ENGASE: variants seen among roughly 807,000 people sequenced by gnomAD.
The protein encoded by ENGASE is endo-beta-N-acetylglucosaminidase.
Under a neutral mutation model 78.5 loss-of-function variants are expected in ENGASE, and 69 were observed. That is an observed-to-expected ratio of 0.88 (90% CI 0.72 to 1.07). ENGASE has a LOEUF of 1.07. Ranked by LOEUF, ENGASE falls within the 50% of genes least tolerant of loss-of-function variation. The pLI, the probability that ENGASE is intolerant of heterozygous loss-of-function variation, is 0.00. For synonymous variants in ENGASE, 408 were observed against 408.9 expected, an observed-to-expected ratio of 1.00 and a Z score of 0.03; for missense variants, 943 against 988.4, an observed-to-expected ratio of 0.95 and a Z score of 0.62.
At position 79,083,021 on chromosome 17, in the gene ENGASE, C is replaced by T. The variant is rs941848248; in HGVS notation, c.1040C>T (p.Ser347Leu). ...CAGCGTCTCCCTCTGTCTCTTCAGT[C>T]GTTGGAGCTGATCCGAAAGCATGGC... ...VVGGRFDTDK[S>L]LELIRKHGFS... Residue 347 changes from serine to leucine, a missense_variant and splice_region_variant, in exon 8 of 14, where the codon TCG (serine) becomes TTG (leucine). Transcript: ENST00000579016. The surrounding 1 kb of genome is among the most constrained non-coding windows in gnomAD (Gnocchi z 4.9). 1.2e-6 allele frequency: 2 copies of T among 1,613,570 alleles called. No homozygotes were observed. The highest frequency in any genetic ancestry group is 2.2e-5 in the East Asian group (1 of 44,868).
At position 79,075,045 on chromosome 17, in the gene ENGASE, A is replaced by G; in HGVS notation, c.101A>G (p.Gln34Arg). ...CCGGAGGCGGGGACGCAGGAGGAGC[A>G]GGAGGATCAGGAGCCGCGGCCGCGG... is the stretch of plus-strand genomic sequence containing the variant. ...AAPEAGTQEEQEDQEPRPRRR... is the reference protein window; with the variant it reads ...AAPEAGTQEEREDQEPRPRRR... The change falls in exon 1 of 14, where the codon CAG becomes CGG. Residue 34 changes from glutamine to arginine, a missense_variant. Transcript: ENST00000579016. The G allele has an allele frequency of 8.4e-7, 1 of 1,194,714 alleles. No homozygotes were observed. The allele number at this position is 1,194,714 out of a possible 1,614,324, so 74.0% of individuals were successfully genotyped here.
Position 79,083,490 on chromosome 17 carries a change from G to T in ENGASE, c.1151G>T (p.Gly384Val). 1 of 1,613,966 alleles carries T rather than the reference G, an allele frequency of 6.2e-7. No homozygotes were observed. ...CCCCATGTCTCTGGCAGGTTCTGGG[G>T]CCGACTGGAGCGTTATCTGCCCACA... ...DFFQNQDKFWGRLERYLPTHS... is the reference protein window; with the variant it reads ...DFFQNQDKFWVRLERYLPTHS... Residue 384 changes from glycine (G) to valine (V), a missense_variant, in exon 9 of 14, where the codon GGC becomes GTC. Gly to Val is a moderately radical substitution (Grantham distance 109, BLOSUM62 -3). Transcript: ENST00000579016. The surrounding 1 kb of genome is among the most constrained non-coding windows in gnomAD (Gnocchi z 4.9).
intron 13 of ENGASE, 67 bp downstream of exon 13, chr17:79,085,801 G>T: frequency 5.6e-6 from 9 of 1,598,486 alleles, no homozygotes; most frequent in South Asian, 2.2e-5. Context: ...GGTGGAGGCC[G>T]CCCCAGGCCG....
intron 5 of ENGASE, among the ~76,000 whole-genome samples, 190 bp downstream of exon 5, chr17:79,080,554 CGACT>C (rs1281891325): frequency 3.9e-5 from 6 of 152,248 alleles, no homozygotes; most frequent in African/African-American, 1.2e-4. Flanking sequence ...GAATCTCCTC[CGACT>C]GTTTCCAGCA....
At chr17:79,085,816 C>T (rs2073282033) in intron 13 of ENGASE, 82 bp downstream of exon 13, 2 of 1,600,112 alleles carry the variant, frequency 1.2e-6, no homozygotes, top group Middle Eastern at 1.7e-4. Context: ...AGGCCGCCCC[C>T]TTCTTGGGTT....
At chr17:79,081,561 G>C (rs959132031) in intron 6 of ENGASE, among the ~76,000 whole-genome samples, 25 of 152,180 alleles carry the variant, frequency 1.6e-4, no homozygotes, top group South Asian at 6.2e-4. Context: ...TGCTGGGCGA[G>C]GGTTTCAGGT....
chr17:79,075,043 G>A lies in ENGASE; in HGVS notation c.99G>A (p.Glu33=), dbSNP rs1599327943. The change falls in exon 1 of 14, where the codon GAG becomes GAA. Residue 33 remains glutamate, a synonymous_variant. Coordinates refer to ENST00000579016, the MANE Select transcript of ENGASE (RefSeq NM_001042573.3). ...CCCCGGAGGCGGGGACGCAGGAGGA[G>A]CAGGAGGATCAGGAGCCGCGGCCGC... ...LAAPEAGTQE[E]QEDQEPRPRR... is the part of the protein sequence containing the mutation. The A allele has an allele frequency of 1.7e-6, 2 of 1,205,690 alleles. No individual in the cohort carries two copies. Among genetic ancestry groups the A allele is most frequent in the East Asian group, 6.6e-5 (2 of 30,448 alleles). The allele number at this position is 1,205,690 out of a possible 1,614,324, so 74.7% of individuals were successfully genotyped here. A position where few individuals can be genotyped will look rare whatever the true frequency, so the allele number is the denominator to read the frequency against.
At chr17:79,075,894 G>T (rs1162084268) in intron 1 of ENGASE, 2 of 985,206 alleles carry the variant, frequency 2.0e-6, no homozygotes, top group Non-Finnish European at 1.2e-6. Flanking sequence ...TGACAAAGGT[G>T]ACCTGGTGTG....
chr17:79,086,151 G>C lies in ENGASE; in HGVS notation c.2034G>C (p.Leu678=). 1.2e-6 allele frequency: 2 copies of C among 1,613,780 alleles called. No homozygotes were observed. The highest frequency in any genetic ancestry group is 2.7e-5 in the African/African-American group (2 of 75,074). Residue 678 remains leucine (L), a synonymous_variant, in exon 14 of 14, where the codon CTG becomes CTC. Coordinates refer to ENST00000579016, the MANE Select transcript of ENGASE (RefSeq NM_001042573.3). The part of the protein sequence containing the change: ...GMSDDSPGRE[L]PRPEMPMFLG... ...GTGATGACTCTCCGGGCAGGGAGCTGCCGAGGCCAGAGATGCCCATGTTCC... is the reference window on the plus strand; with the variant it reads ...GTGATGACTCTCCGGGCAGGGAGCTCCCGAGGCCAGAGATGCCCATGTTCC...
chr17:79,078,253 T>A (rs2073016904), intron 3 of ENGASE, among the ~76,000 whole-genome samples: 1 of 151,996 alleles, frequency 6.6e-6, no homozygotes. Flanking sequence ...TGCAGGAGAA[T>A]CGCTTGAACC....
At position 79,080,263 on chromosome 17, in the gene ENGASE, G is replaced by A. The variant is rs765362657; in HGVS notation, c.622G>A (p.Gly208Arg). Residue 208 changes from glycine (G) to arginine (R), a missense_variant, in exon 5 of 14, where the codon GGG (glycine) becomes AGG (arginine). By Grantham distance (125) the Gly-to-Arg change is moderately radical (BLOSUM62 -2). Coordinates refer to ENST00000579016, the MANE Select transcript of ENGASE (RefSeq NM_001042573.3). ...AAGGCTCTGTGAAGCCTTCCTGGCC[G>A]GGGATGAGCGCTCGTACCAGGCAGT... ...GGRLCEAFLA[G>R]DERSYQAVAD... 21 of 1,613,436 alleles carry A rather than the reference G, an allele frequency of 1.3e-5. 1 individual carries two copies. The highest frequency in any genetic ancestry group is 1.2e-4 in the African/African-American group (9 of 74,926).
rs1321578418 is a variant in ENGASE at position 79,087,370 on chromosome 17, G to A, written c.*1021G>A. ...CTTGAGCAGCAGTCAGCACAGGTGC[G>A]TGGGGGCGTGAGGGAGGCAGGGTCT... On this transcript the variant is annotated 3_prime_UTR_variant, in exon 14 of 14. Coordinates refer to ENST00000579016, the MANE Select transcript of ENGASE (RefSeq NM_001042573.3). 5 of 263,956 alleles carry A rather than the reference G, an allele frequency of 1.9e-5. No individual in the cohort carries two copies. The highest frequency in any genetic ancestry group is 9.2e-5 in the Admixed American group (2 of 21,838). The allele number at this position is 263,956 out of a possible 1,614,324, so 16.4% of individuals were successfully genotyped here.
At chr17:79,084,405 G>A (rs1389391823) in intron 10 of ENGASE, 133 bp from the exon 11 acceptor site, 1 of 873,892 alleles carries the variant, frequency 1.1e-6, no homozygotes, top group African/African-American at 1.8e-5. Context: ...CTACGGACAG[G>A]ACCACGATGT....
At position 79,080,930 on chromosome 17, in the gene ENGASE, C is replaced by T. The variant is rs370806481; in HGVS notation, c.729C>T (p.Ala243=). The part of the protein sequence containing the change: ...LINIENSLSL[A]AVGNMPPFLR... ...ACCTTGTTCTTCTCTTTCAGCTGGC[C>T]GCTGTGGGGAACATGCCTCCTTTCC... The change falls in exon 6 of 14, where the codon GCC becomes GCT. Residue 243 remains alanine (A), a synonymous_variant. Transcript: ENST00000579016. 5.3e-5 allele frequency: 86 copies of T among 1,610,732 alleles called. No homozygotes were observed. Among genetic ancestry groups the T allele is most frequent in the African/African-American group, 1.2e-4 (9 of 74,838 alleles).
At chr17:79,081,754 G>C in intron 6 of ENGASE, 144 bp from the exon 7 acceptor site, 1 of 757,742 alleles carries the variant, frequency 1.3e-6, no homozygotes, top group Non-Finnish European at 2.0e-6. Context: ...GGCTGTGTGG[G>C]GTGGGGTGGG....
rs115665910 is a variant in ENGASE, at chr17:79,087,841, C to G, written c.*1492C>G. 3 of 152,198 alleles carry G rather than the reference C, an allele frequency of 2.0e-5. No individual in the cohort carries two copies. Among genetic ancestry groups the G allele is most frequent in the Admixed American group, 1.3e-4 (2 of 15,280 alleles). 9.4% of individuals were successfully genotyped at this position (152,198 alleles called of 1,614,324 possible). A position where few individuals can be genotyped will look rare whatever the true frequency, so the allele number is the denominator to read the frequency against. On this transcript the variant is annotated 3_prime_UTR_variant, in exon 14 of 14. Transcript: ENST00000579016. Reference sequence around the variant, plus strand: ...TGGGTACTCAGCAGCCACTCTGAGCCGGGGCTCCTTCCAGGAGCTGAAATC... The same window carrying G: ...TGGGTACTCAGCAGCCACTCTGAGCGGGGGCTCCTTCCAGGAGCTGAAATC...
At chr17:79,076,696 G>A (rs1265723669) in intron 1 of ENGASE, among the ~76,000 whole-genome samples, 1 of 152,210 alleles carries the variant, frequency 6.6e-6, no homozygotes, top group East Asian at 1.9e-4. Flanking sequence ...AAGGCACTTA[G>A]GGAAGTGTGG....
In ENGASE at chr17:79,083,698, C is replaced by A. The variant is rs974834922; in HGVS notation, c.1252-63C>A. On this transcript the variant is annotated intron_variant, in intron 9 of 13. Coordinates refer to ENST00000579016, the MANE Select transcript of ENGASE (RefSeq NM_001042573.3). The surrounding 1 kb of genome is among the most constrained non-coding windows in gnomAD (Gnocchi z 4.9). ...CGGTGGTGGTCTTACCCTTCCCTGC[C>A]GCTCCGGGCACCCCTGCTCTGTTGG... 1.9e-6 allele frequency: 3 copies of A among 1,571,394 alleles called. No individual in the cohort carries two copies. The highest frequency in any genetic ancestry group is 3.5e-5 in the Admixed American group (2 of 57,734).
Position 79,077,828 on chromosome 17 carries a change from T to A in ENGASE, c.380T>A (p.Leu127Ter), listed in dbSNP as rs772445498. 2 of 1,613,804 alleles carry A rather than the reference T, an allele frequency of 1.2e-6. No individual in the cohort carries two copies. Among genetic ancestry groups the A allele is most frequent in the Non-Finnish European group, 1.7e-6 (2 of 1,179,938 alleles). Residue 127 changes from leucine (L) to a stop codon, truncating the protein, a stop_gained, in exon 3 of 14, where the codon TTG becomes TAG. Transcript: ENST00000579016. LOFTEE classifies it high-confidence loss of function. ...AGCAGCCAGAGGCCCCGGACTTTGTTGTGTCATGACATGATGGGCGGGTAC... is the reference window on the plus strand; with the variant it reads ...AGCAGCCAGAGGCCCCGGACTTTGTAGTGTCATGACATGATGGGCGGGTAC... Reference protein sequence around the residue: ...PLSSQRPRTLLCHDMMGGYLD... With the variant: ...PLSSQRPRTL
Sources: allele counts gnomAD v4.1 joint callset (sites outside exome capture counted in the v4.1 genomes callset), GRCh38; gene constraint gnomAD v4.1.1; non-coding constraint Gnocchi (gnomAD v3.1); transcripts MANE v1.5; gene names NCBI Gene and HGNC (gene_info 2026-07-23, HGNC 2026-07-21).